The following SNX24 variants were observed in gnomAD, a reference collection of about 807,000 sequenced individuals.
SNX24 encodes sorting nexin-24.
SNX24 carries 22 observed loss-of-function variants against 28.7 expected under a neutral mutation model. The ratio of observed to expected loss-of-function variants is 0.77; its 90% CI spans 0.55 to 1.10. The LOEUF (loss-of-function observed/expected upper bound fraction) is 1.10. Among genes scored for constraint, SNX24 ranks in the 50% least tolerant of loss-of-function variants. The pLI, the probability that SNX24 is intolerant of heterozygous loss-of-function variation, is 0.00. For missense variants in SNX24, 221 were observed against 201.1 expected (o/e 1.10, Z -0.60); for synonymous variants, 69 against 71.5 (o/e 0.96, Z 0.18).
intron 3 of SNX24, 131 bp from the exon 4 acceptor site, chr5:122,999,781 C>T (rs575969953): frequency 8.7e-6 from 6 of 692,312 alleles, no homozygotes; most frequent in African/African-American, 7.0e-5. Context: ...GAGACCACTC[C>T]TCATCTTGAC....
intron 2 of SNX24, among the ~76,000 whole-genome samples, chr5:122,938,106 C>T (rs773917332): frequency 6.6e-6 from 1 of 152,150 alleles, no homozygotes; most frequent in Non-Finnish European, 1.5e-5. Flanking sequence ...CACAGCCCAG[C>T]TGTACTCTCC....
chr5:122,956,824 G>A (rs560602083), intron 3 of SNX24, among the ~76,000 whole-genome samples: 1 of 151,974 alleles, frequency 6.6e-6, no homozygotes, highest in African/African-American at 2.4e-5. Flanking sequence ...TTGGCCATTT[G>A]TGTGTCTTTT....
intron 2 of SNX24, among the ~76,000 whole-genome samples, chr5:122,940,119 G>A (rs997134046): frequency 7.3e-5 from 11 of 151,666 alleles, no homozygotes; most frequent in Middle Eastern, 3.4e-3. Context: ...TCAGCCTCCC[G>A]AGTAGCTGGG....
intron 3 of SNX24, among the ~76,000 whole-genome samples, chr5:122,975,119 A>C (rs537422023): frequency 6.6e-6 from 1 of 152,200 alleles, no homozygotes; most frequent in South Asian, 2.1e-4. Flanking sequence ...CTTAAACCTT[A>C]ATGCACTTTA....
At chr5:123,011,671 C>T (rs1311491592), downstream of SNX24, among the ~76,000 whole-genome samples, 2 of 152,130 alleles carry the variant, frequency 1.3e-5, no homozygotes, top group Non-Finnish European at 2.9e-5. Context: ...CAGAAAATAA[C>T]AAGTGTTGGT....
intron 3 of SNX24, among the ~76,000 whole-genome samples, chr5:122,975,117 T>G (rs1211388997): frequency 6.6e-6 from 1 of 152,224 alleles, no homozygotes; most frequent in African/African-American, 2.4e-5. Flanking sequence ...TTCTTAAACC[T>G]TAATGCACTT....
Position 122,953,086 on chromosome 5 carries a change from C to CTTT in SNX24, c.249+6929_249+6930insTTT, listed in dbSNP as rs1308240395. Among the ~76,000 whole-genome samples, 460 of 151,362 alleles carry CTTT rather than the reference C, an allele frequency of 3.0e-3. 3 individuals are homozygous for CTTT. The highest frequency in any genetic ancestry group is 0.01 in the African/African-American group (414 of 41,210). Reference sequence around the variant, plus strand: ...TCTTTCTTCCTTTCTTCCTTTTTTCCTTCCCTTTCCTTTCCTTTCCTTTCT... The same window carrying CTTT: ...TCTTTCTTCCTTTCTTCCTTTTTTCCTTTTTCCCTTTCCTTTCCTTTCCTTTCT... On this transcript the variant is annotated intron_variant, in intron 3 of 6. Coordinates refer to ENST00000261369, the MANE Select transcript of SNX24 (RefSeq NM_014035.4).
chr5:122,911,483 A>T lies in SNX24; in HGVS notation c.61-25251A>T, dbSNP rs1430867809. Among the ~76,000 whole-genome samples, 5 of 150,954 alleles carry T rather than the reference A, an allele frequency of 3.3e-5. No homozygotes were observed. In the East Asian group the frequency reaches 7.8e-4, roughly 24 times the overall value. On this transcript the variant is annotated intron_variant, in intron 1 of 6. Coordinates refer to ENST00000261369, the MANE Select transcript of SNX24 (RefSeq NM_014035.4). The stretch of plus-strand genomic sequence containing the variant: ...AAGCTCTTTAGTTTAATTAGATCCC[A>T]TTTGTCAATTTTGGCTTTTGTTGCC...
intron 1 of SNX24, among the ~76,000 whole-genome samples, chr5:122,894,758 G>A (rs1415634154): frequency 6.6e-6 from 1 of 152,218 alleles, no homozygotes; most frequent in Non-Finnish European, 1.5e-5. Context: ...AGGAAGAAAA[G>A]TGGCGCAGTA....
chr5:123,008,692 A>T lies in SNX24; in HGVS notation c.*943A>T. 1 of 217,522 alleles carries T rather than the reference A, an allele frequency of 4.6e-6. No homozygotes were observed. Among genetic ancestry groups the T allele is most frequent in the Non-Finnish European group, 7.8e-6 (1 of 127,734 alleles). The allele number at this position is 217,522 out of a possible 1,614,324, so 13.5% of individuals were successfully genotyped here. A position where few individuals can be genotyped will look rare whatever the true frequency, so the allele number is the denominator to read the frequency against. Reference sequence around the variant, plus strand: ...GGATGGACAGCACCCACCTGGGTTTACTCAAGGGTGTGCATTCATTTTAGG... The same window carrying T: ...GGATGGACAGCACCCACCTGGGTTTTCTCAAGGGTGTGCATTCATTTTAGG... On this transcript the variant is annotated 3_prime_UTR_variant, in exon 7 of 7. Coordinates refer to ENST00000261369, the MANE Select transcript of SNX24 (RefSeq NM_014035.4).
At chr5:122,952,525 T>C (rs928295218) in intron 3 of SNX24, among the ~76,000 whole-genome samples, 35 of 152,188 alleles carry the variant, frequency 2.3e-4, no homozygotes, top group Admixed American at 1.8e-3. Flanking sequence ...CAAGCACTGC[T>C]GCTGACATAC....
intron 3 of SNX24, among the ~76,000 whole-genome samples, chr5:122,993,573 T>C (rs567833489): frequency 3.9e-5 from 6 of 152,326 alleles, no homozygotes; most frequent in African/African-American, 1.4e-4. Flanking sequence ...GTGCTGGGAT[T>C]ATAGGCGTGA....
At chr5:122,867,377 G>A (rs956602298) in intron 1 of SNX24, among the ~76,000 whole-genome samples, 1 of 152,200 alleles carries the variant, frequency 6.6e-6, no homozygotes, top group African/African-American at 2.4e-5. Context: ...GAGTAAATGT[G>A]TATTCCAGTA....
intron 3 of SNX24, among the ~76,000 whole-genome samples, chr5:122,991,087 G>A (rs1761827717): frequency 6.6e-6 from 1 of 152,166 alleles, no homozygotes; most frequent in African/African-American, 2.4e-5. Flanking sequence ...GGTAGAGACA[G>A]AGTTTCACCA....
At chr5:122,933,731 GTTGT>G (rs773540677) in intron 1 of SNX24, among the ~76,000 whole-genome samples, 123 of 151,852 alleles carry the variant, frequency 8.1e-4, no homozygotes, top group Non-Finnish European at 1.5e-3. Context: ...GGGTTTTTTT[GTTGT>G]TTGTTTGTTT....
At chr5:123,013,583 G>A (rs1473539592), downstream of SNX24, among the ~76,000 whole-genome samples, 1 of 152,146 alleles carries the variant, frequency 6.6e-6, no homozygotes, top group Non-Finnish European at 1.5e-5. Context: ...TTGTGTGACG[G>A]GAAGGAGGGC....
At chr5:122,862,261 T>A (rs1305035270) in intron 1 of SNX24, among the ~76,000 whole-genome samples, 1 of 151,570 alleles carries the variant, frequency 6.6e-6, no homozygotes, top group Non-Finnish European at 1.5e-5. Context: ...GAGTAGGGAG[T>A]GGTTTTTTGT....
intron 1 of SNX24, among the ~76,000 whole-genome samples, chr5:122,936,227 A>C (rs960350065): frequency 6.6e-6 from 1 of 152,206 alleles, no homozygotes; most frequent in African/African-American, 2.4e-5. Flanking sequence ...GAATAAGCCC[A>C]GCTGAGACTA....
chr5:122,981,286 A>T (rs1761382975), intron 3 of SNX24, among the ~76,000 whole-genome samples: 1 of 152,214 alleles, frequency 6.6e-6, no homozygotes, highest in African/African-American at 2.4e-5. Flanking sequence ...TACACTGAGT[A>T]TTAGCCATAT....
Sources: gnomAD v4.1 joint callset for allele counts (sites outside exome capture counted in the v4.1 genomes callset) on GRCh38, gnomAD v4.1.1 for gene constraint, MANE v1.5 for transcripts, NCBI Gene and HGNC (gene_info 2026-07-23, HGNC 2026-07-21) for gene names.